Variants in ACER3 observed in about 807,000 individuals in gnomAD.
ACER3 encodes alkCDase 3.
A neutral mutation model predicts 48.9 loss-of-function variants in ACER3; 16 were observed. That is an observed-to-expected ratio of 0.33 (90% CI 0.22 to 0.50). The LOEUF (loss-of-function observed/expected upper bound fraction) is 0.50. Ranked by LOEUF, ACER3 falls within the 20% of genes least tolerant of loss-of-function variation. The pLI, the probability that ACER3 is intolerant of heterozygous loss-of-function variation, is 0.98. For missense variants in ACER3, 227 were observed against 326.0 expected (o/e 0.70, Z 2.34); for synonymous variants, 109 against 107.8 (o/e 1.01, Z -0.07).
At chr11:76,933,533 C>T (rs546138770) in intron 2 of ACER3, among the ~76,000 whole-genome samples, 2 of 151,914 alleles carry the variant, frequency 1.3e-5, no homozygotes, top group Admixed American at 1.3e-4. Context: ...GCACATCTTG[C>T]ACCGTCCTTA....
chr11:76,959,260 G>T, intron 3 of ACER3: 1 of 1,360,222 alleles, frequency 7.4e-7, no homozygotes, highest in Admixed American at 3.0e-5. Context: ...TCTCTGTGCG[G>T]GCATATAAAA....
At chr11:76,982,458 G>A (rs1369070442) in intron 4 of ACER3, among the ~76,000 whole-genome samples, 1 of 151,924 alleles carries the variant, frequency 6.6e-6, no homozygotes, top group Non-Finnish European at 1.5e-5. Flanking sequence ...CTTGTGATCC[G>A]CCTGCCTTGG....
Position 76,921,412 on chromosome 11 carries a change from G to A in ACER3, c.104-5145G>A, listed in dbSNP as rs1393343619. 2.0e-5 allele frequency among the ~76,000 whole-genome samples: 3 copies of A among 152,134 alleles called. 1 individual carries two copies. Among genetic ancestry groups the A allele is most frequent in the Non-Finnish European group, 1.5e-5 (1 of 68,002 alleles). On this transcript the variant is annotated intron_variant, in intron 1 of 10. Coordinates refer to ENST00000532485, the MANE Select transcript of ACER3 (RefSeq NM_018367.7). The stretch of plus-strand genomic sequence containing the variant: ...ATTTTTGTGTAAGGAGTGTGAACCT[G>A]GGATCCAGATTAATTTTTTTCCTAT...
chr11:76,924,592 A>G (rs1946768348), intron 1 of ACER3, among the ~76,000 whole-genome samples: 1 of 151,778 alleles, frequency 6.6e-6, no homozygotes, highest in South Asian at 2.1e-4. Context: ...TAAATTTAAG[A>G]TATTGTCTGT....
intron 1 of ACER3, among the ~76,000 whole-genome samples, chr11:76,925,080 GACC>G (rs1195466857): frequency 6.7e-6 from 1 of 149,472 alleles, no homozygotes; most frequent in Non-Finnish European, 1.5e-5. Context: ...AAAAAGGAAA[GACC>G]AATAGAAAAA....
At chr11:76,881,521 T>A (rs1314929657) in intron 1 of ACER3, among the ~76,000 whole-genome samples, 1 of 152,150 alleles carries the variant, frequency 6.6e-6, no homozygotes, top group African/African-American at 2.4e-5. Flanking sequence ...GGGATTACAA[T>A]ACATGTCTTT....
At chr11:76,954,004 A>G (rs892397065) in intron 2 of ACER3, among the ~76,000 whole-genome samples, 1 of 149,524 alleles carries the variant, frequency 6.7e-6, no homozygotes, top group African/African-American at 2.5e-5. Context: ...CTAGAGTGCA[A>G]TGGCGCAATC....
At chr11:76,914,236 G>T (rs901417750) in intron 1 of ACER3, among the ~76,000 whole-genome samples, 5 of 152,150 alleles carry the variant, frequency 3.3e-5, no homozygotes, top group African/African-American at 9.7e-5. Flanking sequence ...CACAGCAAAA[G>T]AAACTATCAT....
intron 1 of ACER3, among the ~76,000 whole-genome samples, chr11:76,923,088 A>G (rs1946728308): frequency 1.3e-5 from 2 of 152,002 alleles, no homozygotes; most frequent in Non-Finnish European, 2.9e-5. Flanking sequence ...CCAGAAGGCA[A>G]TGTTCTTTCC....
At chr11:76,898,310 T>A (rs922341498) in intron 1 of ACER3, among the ~76,000 whole-genome samples, 1 of 152,190 alleles carries the variant, frequency 6.6e-6, no homozygotes, top group Admixed American at 6.5e-5. Context: ...AAAAAAGATT[T>A]GTCTACTCGA....
At chr11:76,975,164 G>T (rs1324222661) in intron 3 of ACER3, among the ~76,000 whole-genome samples, 1 of 151,998 alleles carries the variant, frequency 6.6e-6, no homozygotes, top group African/African-American at 2.4e-5. Flanking sequence ...TGTGTCTTTT[G>T]TTGGAGTCCT....
In ACER3 at chr11:76,998,754, C is replaced by G. The variant is rs546084690; in HGVS notation, c.439-9C>G. The G allele has an allele frequency of 6.3e-7, 1 of 1,585,080 alleles. No homozygotes were observed. The highest frequency in any genetic ancestry group is 1.2e-5 in the South Asian group (1 of 86,220). On this transcript the variant is annotated splice_polypyrimidine_tract_variant and intron_variant, in intron 6 of 10. Transcript: ENST00000532485. Reference sequence around the variant, plus strand: ...GATTGTACTAACCTCATTTTCCGTTCCTATTTAGGTCATGTATGGAATGTT... The same window carrying G: ...GATTGTACTAACCTCATTTTCCGTTGCTATTTAGGTCATGTATGGAATGTT...
At chr11:76,998,513 A>C (rs1948962069) in intron 6 of ACER3, 1 of 394,414 alleles carries the variant, frequency 2.5e-6, no homozygotes, top group Non-Finnish European at 4.5e-6. Context: ...TCAAGGATCC[A>C]TTCAGAATTA....
intron 2 of ACER3, among the ~76,000 whole-genome samples, chr11:76,937,963 T>C (rs1279517423): frequency 6.6e-6 from 1 of 152,214 alleles, no homozygotes; most frequent in Non-Finnish European, 1.5e-5. Context: ...ATAGCAATTC[T>C]GAAGCTGTCT....
chr11:77,015,979 T>G (rs549517247), intron 8 of ACER3, among the ~76,000 whole-genome samples: 11 of 152,074 alleles, frequency 7.2e-5, no homozygotes, highest in Admixed American at 2.6e-4. Flanking sequence ...TGGTGACGTG[T>G]GCCTGTAATC....
chr11:76,933,428 A>T (rs369630551), intron 2 of ACER3, among the ~76,000 whole-genome samples: 1 of 142,118 alleles, frequency 7.0e-6, no homozygotes, highest in Non-Finnish European at 1.6e-5. Flanking sequence ...AGGACCCTGC[A>T]GCCTTCCGCA....
At chr11:76,904,178 G>C (rs894377724) in intron 1 of ACER3, among the ~76,000 whole-genome samples, 1 of 151,960 alleles carries the variant, frequency 6.6e-6, no homozygotes, top group Non-Finnish European at 1.5e-5. Flanking sequence ...GTAGAGACGA[G>C]GTTTCACCAT....
intron 1 of ACER3, among the ~76,000 whole-genome samples, chr11:76,914,537 A>G (rs913990129): frequency 1.3e-5 from 2 of 152,200 alleles, no homozygotes; most frequent in African/African-American, 4.8e-5. Context: ...TTAAAAAGTC[A>G]GGAAACAACA....
chr11:76,914,900 A>G (rs1030202353), intron 1 of ACER3, among the ~76,000 whole-genome samples: 1 of 152,180 alleles, frequency 6.6e-6, no homozygotes, highest in East Asian at 1.9e-4. Context: ...CTTTGTAGGG[A>G]CATGGATGAA....
Sources: gnomAD v4.1 joint callset for allele counts (sites outside exome capture counted in the v4.1 genomes callset) on GRCh38, gnomAD v4.1.1 for gene constraint, MANE v1.5 for transcripts, NCBI Gene and HGNC (gene_info 2026-07-23, HGNC 2026-07-21) for gene names.